Variants in OPHN1 observed in about 807,000 individuals in gnomAD.
OPHN1 encodes the protein oligophrenin-1.
A neutral mutation model predicts 60.7 loss-of-function variants in OPHN1; 11 were observed. The ratio of observed to expected loss-of-function variants is 0.18; its 90% CI spans 0.11 to 0.30. The LOEUF (loss-of-function observed/expected upper bound fraction) is 0.30, where lower values mean the gene tolerates loss of function less well. Ranked by LOEUF, OPHN1 falls within the 10% of genes least tolerant of loss-of-function variation. OPHN1 has a pLI of 1.00. For synonymous variants in OPHN1, 226 were observed against 222.6 expected, an observed-to-expected ratio of 1.02 and a Z score of -0.14; for missense variants, 449 against 611.0, an observed-to-expected ratio of 0.73 and a Z score of 2.80.
intron 2 of OPHN1, among the ~76,000 whole-genome samples, chrX:68,372,160 A>T (rs1270297667): frequency 8.9e-6 from 1 of 112,495 alleles, no homozygotes; most frequent in African/African-American, 3.2e-5. Context: ...CAATTCCATG[A>T]AAATAGTAAC....
In OPHN1 at chrX:68,387,035, G is replaced by A. The variant is rs1004253252; in HGVS notation, c.154+45832C>T. Among the ~76,000 whole-genome samples, 3 of 67,125 alleles carry A rather than the reference G, an allele frequency of 4.5e-5. No homozygotes were observed. The African/African-American group carries it at 1.2e-3, about 26-fold the overall frequency. 58.3% of individuals were successfully genotyped at this position (67,125 alleles called of 115,157 possible). On this transcript the variant is annotated intron_variant, in intron 2 of 24. Transcript: ENST00000355520. ...TGATTTTCTTCCTTCTATCACCCCT[G>A]TTCCCAAATATCAGAGAACAATAAA...
At position 68,064,117 on chromosome X, in the gene OPHN1, G is replaced by A; in HGVS notation, c.1895C>T (p.Pro632Leu). 1 of 1,210,488 alleles carries A rather than the reference G, an allele frequency of 8.3e-7. No homozygotes were observed. Among genetic ancestry groups the A allele is most frequent in the African/African-American group, 1.7e-5 (1 of 57,634 alleles). The part of the protein sequence containing the change: ...TITSSIEPPK[P>L]PQHPKLPIQR... ...AATAGGTAGTTTGGGGTGTTGTGGT[G>A]GCTTGGGGGGTTCTATGCTGCTGGT... The change falls in exon 21 of 25, where the codon CCA (proline) becomes CTA (leucine). Residue 632 changes from proline (P) to leucine (L), a missense_variant. Around this residue, in one of 4 missense-constraint regions of OPHN1, gnomAD observed 184 missense variants for 160.5 expected, o/e 1.15. Coordinates refer to ENST00000355520, the MANE Select transcript of OPHN1 (RefSeq NM_002547.3).
chrX:68,208,594 G>A (rs937649335), intron 9 of OPHN1, among the ~76,000 whole-genome samples: 14 of 111,944 alleles, frequency 1.3e-4, no homozygotes, highest in African/African-American at 4.6e-4. Flanking sequence ...TTTTTCAAGG[G>A]TGTCCCCAAT....
intron 15 of OPHN1, among the ~76,000 whole-genome samples, chrX:68,142,896 T>TTC (rs1219258348): frequency 2.7e-5 from 3 of 112,346 alleles, no homozygotes; most frequent in Non-Finnish European, 3.8e-5. Flanking sequence ...CTGGTATATA[T>TTC]TCTCCAGCAA....
At chrX:68,276,939 C>A (rs1411534756) in intron 4 of OPHN1, among the ~76,000 whole-genome samples, 1 of 111,426 alleles carries the variant, frequency 9.0e-6, no homozygotes, top group Non-Finnish European at 1.9e-5. Context: ...TGGAAGGTGC[C>A]AAACATTAGG....
chrX:68,211,226 A>AT (rs2077583133), intron 8 of OPHN1, among the ~76,000 whole-genome samples: 3 of 111,171 alleles, frequency 2.7e-5, no homozygotes, highest in Non-Finnish European at 5.7e-5. Flanking sequence ...ATTTTTCACT[A>AT]TAACTTACCA....
intron 15 of OPHN1, among the ~76,000 whole-genome samples, chrX:68,128,080 C>T (rs7876516): frequency 0.061 from 6,602 of 108,357 alleles, 509 homozygotes; most frequent in African/African-American, 0.21. Flanking sequence ...GAAAGGGTCT[C>T]ACTCTGTCAC....
At chrX:68,341,076 CA>C (rs1157921152) in intron 2 of OPHN1, among the ~76,000 whole-genome samples, 616 of 85,201 alleles carry the variant, frequency 7.2e-3, no homozygotes, top group South Asian at 0.013. Context: ...TTTTTTACTG[CA>C]AAAAAAAAAA....
At chrX:68,393,450 C>T (rs1271287526) in intron 2 of OPHN1, among the ~76,000 whole-genome samples, 1 of 111,100 alleles carries the variant, frequency 9.0e-6, no homozygotes, top group East Asian at 2.8e-4. Context: ...ACCACCACAC[C>T]CAGCTAACAT....
chrX:68,238,189 TAGAG>T (rs765181475), intron 5 of OPHN1, among the ~76,000 whole-genome samples: 12 of 111,958 alleles, frequency 1.1e-4, no homozygotes, highest in Middle Eastern at 9.3e-3. Context: ...TTTCTCTATA[TAGAG>T]ATTCATTATT....
At chrX:68,354,264 G>A (rs1339922371) in intron 2 of OPHN1, among the ~76,000 whole-genome samples, 9 of 107,851 alleles carry the variant, frequency 8.3e-5, no homozygotes, top group Non-Finnish European at 1.5e-4. Flanking sequence ...GGCCAACATG[G>A]TGATACCCCA....
chrX:68,146,843 C>T (rs777163971), intron 15 of OPHN1, among the ~76,000 whole-genome samples: 4 of 73,789 alleles, frequency 5.4e-5, no homozygotes, highest in African/African-American at 8.9e-5. Flanking sequence ...TACACAAAGG[C>T]GTGTGTCTGT....
chrX:68,165,193 CT>C (rs2077352428), intron 15 of OPHN1, among the ~76,000 whole-genome samples: 1 of 112,033 alleles, frequency 8.9e-6, no homozygotes, highest in East Asian at 2.8e-4. Context: ...GCACTTTTAA[CT>C]TTTTAGCAAA....
chrX:68,272,612 G>A (rs867878717), intron 5 of OPHN1, among the ~76,000 whole-genome samples: 23 of 112,287 alleles, frequency 2.0e-4, no homozygotes, highest in South Asian at 7.4e-4. Flanking sequence ...CAAGTTTGTA[G>A]CCTAGGAGCA....
chrX:68,171,130 C>G (rs1181129640), intron 15 of OPHN1, among the ~76,000 whole-genome samples: 1 of 110,186 alleles, frequency 9.1e-6, no homozygotes, highest in Non-Finnish European at 1.9e-5. Context: ...TATAACTGGA[C>G]TGTTTATAAC....
At chrX:68,302,026 T>A (rs1227953912) in intron 2 of OPHN1, among the ~76,000 whole-genome samples, 2 of 112,645 alleles carry the variant, frequency 1.8e-5, no homozygotes, top group Non-Finnish European at 3.7e-5. Flanking sequence ...GTCTGCACAA[T>A]GTTTTAAAAT....
At chrX:68,336,931 C>T (rs145992797) in intron 2 of OPHN1, among the ~76,000 whole-genome samples, 23 of 110,185 alleles carry the variant, frequency 2.1e-4, no homozygotes, top group Non-Finnish European at 2.8e-4. Context: ...CATGGTGGTA[C>T]GCATCTATAA....
At chrX:68,076,914 T>C (rs751557065) in intron 19 of OPHN1, among the ~76,000 whole-genome samples, 19 of 111,873 alleles carry the variant, frequency 1.7e-4, no homozygotes, top group Non-Finnish European at 3.2e-4. Context: ...GAAAAGTATA[T>C]ACTGCATTAT....
At chrX:68,093,722 G>A (rs954993634) in intron 19 of OPHN1, among the ~76,000 whole-genome samples, 1 of 111,249 alleles carries the variant, frequency 9.0e-6, no homozygotes, top group East Asian at 2.8e-4. Flanking sequence ...CCACGCATAC[G>A]TCATGTTCAT....
Sources: gnomAD v4.1 joint callset for allele counts (sites outside exome capture counted in the v4.1 genomes callset) on GRCh38, gnomAD v4.1.1 for gene constraint, gnomAD v4.1.1 regional missense constraint, MANE v1.5 for transcripts, NCBI Gene and HGNC (gene_info 2026-07-23, HGNC 2026-07-21) for gene names.